The following PCNT variants were observed in gnomAD, a reference collection of about 807,000 sequenced individuals.
PCNT encodes the protein kendrin.
Under a neutral mutation model 380.4 loss-of-function variants are expected in PCNT, and 319 were observed. The ratio of observed to expected loss-of-function variants is 0.84; its 90% CI spans 0.77 to 0.92. The LOEUF is 0.92. PCNT is among the 40% of genes least tolerant of loss of function. The pLI, the probability that PCNT is intolerant of heterozygous loss-of-function variation, is 0.00. For missense variants in PCNT, 4,400 were observed against 4,255.3 expected, an observed-to-expected ratio of 1.03 and a Z score of -0.95; for synonymous variants, 1,845 against 1,735.2, an observed-to-expected ratio of 1.06 and a Z score of -1.57.
At chr21:46,357,526 C>T (rs776271483) in intron 13 of PCNT, among the ~76,000 whole-genome samples, 5 of 152,200 alleles carry the variant, frequency 3.3e-5, no homozygotes, top group African/African-American at 1.2e-4. Flanking sequence ...ACTGCAACCT[C>T]TGCTTCCTGA....
At position 46,442,502 on chromosome 21, in the gene PCNT, G is replaced by C. The variant is rs779541254; in HGVS notation, c.9629G>C (p.Arg3210Pro). The change falls in exon 44 of 47, where the codon CGT (arginine) becomes CCT (proline). Residue 3210 changes from arginine to proline, a missense_variant. Coordinates refer to ENST00000359568, the MANE Select transcript of PCNT (RefSeq NM_006031.6). ...VRVVIAILRL[R>P]FLVKKWQEVD... ...CTTGTCTCTTTTTTTTGTAGATTACGTTTTTTGGTTAAGAAATGGCAAGAA... is the reference window on the plus strand; with the variant it reads ...CTTGTCTCTTTTTTTTGTAGATTACCTTTTTTGGTTAAGAAATGGCAAGAA... 2 of 1,604,406 alleles carry C rather than the reference G, an allele frequency of 1.2e-6. No homozygotes were observed. The highest frequency in any genetic ancestry group is 2.2e-5 in the South Asian group (2 of 90,832).
Position 46,366,960 on chromosome 21 carries a change from G to C in PCNT, c.2986G>C (p.Asp996His), listed in dbSNP as rs1238644889. The C allele has an allele frequency of 2.5e-6, 4 of 1,614,116 alleles. No individual in the cohort carries two copies. The highest frequency in any genetic ancestry group is 3.4e-6 in the Non-Finnish European group (4 of 1,180,060). The change falls in exon 15 of 47, where the codon GAC (aspartate) becomes CAC (histidine). Residue 996 changes from aspartate (D) to histidine (H), a missense_variant. Coordinates refer to ENST00000359568, the MANE Select transcript of PCNT (RefSeq NM_006031.6). ...GCAGGCCCTAGAGCTCTTACGAGCAGACTTTGAGGAACAACTGTGGAAAAA... is the reference window on the plus strand; with the variant it reads ...GCAGGCCCTAGAGCTCTTACGAGCACACTTTGAGGAACAACTGTGGAAAAA... Reference protein sequence around the residue: ...HRQALELLRADFEEQLWKKDS... With the variant: ...HRQALELLRAHFEEQLWKKDS...
intron 44 of PCNT, 159 bp downstream of exon 44, chr21:46,442,732 C>A: frequency 2.9e-6 from 2 of 678,874 alleles, no homozygotes; most frequent in Non-Finnish European, 5.4e-6. Context: ...AGAGGGAAGG[C>A]GCGCCCGGCG....
At chr21:46,370,720 A>ATC in intron 15 of PCNT, among the ~76,000 whole-genome samples, 1 of 152,298 alleles carries the variant, frequency 6.6e-6, no homozygotes, top group East Asian at 1.9e-4. Context: ...AGCCTGGGGA[A>ATC]CATAGCAAGA....
In PCNT at chr21:46,422,075, C is replaced by T. The variant is rs61735814; in HGVS notation, c.7130C>T (p.Pro2377Leu). Reference protein sequence around the residue: ...TPASISGRFQPLPEAMKEKEV... With the variant: ...TPASISGRFQLLPEAMKEKEV... ...GCTTCCATCTCTGGAAGGTTTCAGC[C>T]GCTGCCGGAAGCCATGAAGGAGAAG... is the stretch of plus-strand genomic sequence containing the variant. The change falls in exon 32 of 47, where the codon CCG becomes CTG. Residue 2377 changes from proline to leucine, a missense_variant. Transcript: ENST00000359568. 84,904 of 1,613,866 alleles carry T rather than the reference C, an allele frequency of 0.053. 2,622 individuals are homozygous for T. Among genetic ancestry groups the T allele is most frequent in the Non-Finnish European group, 0.061 (71,646 of 1,179,956 alleles).
intron 27 of PCNT, among the ~76,000 whole-genome samples, chr21:46,409,766 G>C (rs796144736): frequency 1.1e-4 from 16 of 152,048 alleles, no homozygotes; most frequent in African/African-American, 3.9e-4. Flanking sequence ...GCTAATTTTT[G>C]TATTTTTACT....
chr21:46,351,459 C>CT lies in PCNT; in HGVS notation c.1376dup (p.Lys460GlufsTer16). ...GAATCTTCAAGCATCATATGAAGAC[C>CT]TGAAGGCACAATCACAAGAAGAGAT... On this transcript the variant is annotated frameshift_variant, in exon 9 of 47. Transcript: ENST00000359568. LOFTEE classifies it high-confidence loss of function. 6.2e-7 allele frequency: 1 copy of CT among 1,612,208 alleles called. No individual in the cohort carries two copies. The highest frequency in any genetic ancestry group is 8.5e-7 in the Non-Finnish European group (1 of 1,178,266).
In PCNT at chr21:46,412,936, T is replaced by A. The variant is rs1365255820; in HGVS notation, c.6094T>A (p.Ser2032Thr). ...CACCGTCTGCCAGAGGCAGCTGCAG[T>A]CGGAGCTGCTCTTGGTGAAAAATGA... Reference protein sequence around the residue: ...VLTVCQRQLQSELLLVKNEMR... With the variant: ...VLTVCQRQLQTELLLVKNEMR... Residue 2032 changes from serine to threonine, a missense_variant, in exon 29 of 47, where the codon TCG becomes ACG. Ser to Thr is a moderately conservative substitution (Grantham distance 58, BLOSUM62 1). Transcript: ENST00000359568. 1.9e-6 allele frequency: 3 copies of A among 1,612,106 alleles called. No individual in the cohort carries two copies. The highest frequency in any genetic ancestry group is 4.5e-5 in the East Asian group (2 of 44,882).
chr21:46,383,570 C>T (rs2085680254), intron 16 of PCNT, among the ~76,000 whole-genome samples: 1 of 143,346 alleles, frequency 7.0e-6, no homozygotes, highest in African/African-American at 2.6e-5. Flanking sequence ...GATGGAAGTG[C>T]ATTCACAGTG....
chr21:46,444,827 G>C lies in PCNT; in HGVS notation c.9967+6G>C. 3 of 1,612,662 alleles carry C rather than the reference G, an allele frequency of 1.9e-6. No homozygotes were observed. Among genetic ancestry groups the C allele is most frequent in the South Asian group, 1.1e-5 (1 of 91,042 alleles). On this transcript the variant is annotated splice_donor_region_variant and intron_variant, in intron 46 of 46. Transcript: ENST00000359568. Reference sequence around the variant, plus strand: ...ATTGGGAGGGGTACTACCAGGTAATGCAAGTCCTCGCCGAGTATTTATTAA... The same window carrying C: ...ATTGGGAGGGGTACTACCAGGTAATCCAAGTCCTCGCCGAGTATTTATTAA...
rs1336466622 is a variant in PCNT, at chr21:46,436,091, A to G, written c.8939A>G (p.Gln2980Arg). Reference protein sequence around the residue: ...EQQRELEAMRQRLLSAARLLT... With the variant: ...EQQRELEAMRRRLLSAARLLT... ...CAGCGAGAGCTGGAGGCGATGAGGC[A>G]GCGGCTGCTCTCTGCCGCCCGGCTT... Residue 2980 changes from glutamine to arginine, a missense_variant, in exon 39 of 47, where the codon CAG becomes CGG. Transcript: ENST00000359568. 3 of 1,612,068 alleles carry G rather than the reference A, an allele frequency of 1.9e-6. No homozygotes were observed. In the Admixed American group the frequency reaches 5.0e-5, roughly 27 times the overall value.
intron 3 of PCNT, among the ~76,000 whole-genome samples, chr21:46,344,511 C>T (rs542927094): frequency 3.3e-5 from 5 of 152,370 alleles, no homozygotes; most frequent in African/African-American, 1.2e-4. Context: ...GCCTTTCTAG[C>T]TTTTGCAACT....
chr21:46,330,656 TATTTC>T (rs1730724066), intron 2 of PCNT, among the ~76,000 whole-genome samples: 1 of 152,248 alleles, frequency 6.6e-6, no homozygotes, highest in Non-Finnish European at 1.5e-5. Context: ...TATTATAAAA[TATTTC>T]ATGATATTTG....
rs576796827 is a variant in PCNT, at chr21:46,425,897, C to A, written c.7246C>A (p.Pro2416Thr). Reference protein sequence around the residue: ...ILALSEGLAPPSGEPHPPRKE... With the variant: ...ILALSEGLAPTSGEPHPPRKE... ...GGCGCTGTCAGAAGGCCTTGCACCC[C>A]CAAGCGGCGAGCCACACCCACCCCG... Residue 2416 changes from proline to threonine, a missense_variant, in exon 33 of 47, where the codon CCA becomes ACA. Transcript: ENST00000359568. This position sits in a 1 kb window ranked among gnomAD's most constrained non-coding sequence, Gnocchi z 4.2. The A allele has an allele frequency of 3.2e-5, 51 of 1,613,752 alleles. No individual in the cohort carries two copies. The South Asian group carries it at 3.6e-4, about 11-fold the overall frequency.
intron 15 of PCNT, among the ~76,000 whole-genome samples, chr21:46,370,555 G>C (rs1475412220): frequency 6.6e-6 from 1 of 152,108 alleles, no homozygotes; most frequent in Non-Finnish European, 1.5e-5. Flanking sequence ...TCCCAGGTTG[G>C]ACTGGTGCAG....
intron 19 of PCNT, 138 bp downstream of exon 19, chr21:46,389,569 T>C: frequency 1.5e-6 from 1 of 663,230 alleles, no homozygotes; most frequent in Non-Finnish European, 2.6e-6. Flanking sequence ...CTGAACCAGA[T>C]CTTTGAGGAA....
At chr21:46,373,431 C>CTT (rs35866515) in intron 15 of PCNT, among the ~76,000 whole-genome samples, 40 of 116,654 alleles carry the variant, frequency 3.4e-4, no homozygotes, top group South Asian at 5.8e-4. Context: ...TGTCAATACT[C>CTT]TTTTTTTTTT....
At chr21:46,360,296 C>T (rs2084661057) in intron 13 of PCNT, among the ~76,000 whole-genome samples, 1 of 146,046 alleles carries the variant, frequency 6.8e-6, no homozygotes, top group African/African-American at 2.6e-5. Context: ...GATCTCGGCT[C>T]ACTGCAACCT....
Position 46,397,432 on chromosome 21 carries a change from G to T in PCNT, c.4384G>T (p.Ala1462Ser). 2 of 1,614,194 alleles carry T rather than the reference G, an allele frequency of 1.2e-6. No individual in the cohort carries two copies. Among genetic ancestry groups the T allele is most frequent in the Non-Finnish European group, 1.7e-6 (2 of 1,180,030 alleles). Residue 1462 changes from alanine to serine, a missense_variant, in exon 22 of 47, where the codon GCC becomes TCC. Transcript: ENST00000359568. Reference sequence around the variant, plus strand: ...TGCCAAGCAGGCGGAGGCCGTCACTGCCCTGGAACAGCAGGTGGCATCTCT... The same window carrying T: ...TGCCAAGCAGGCGGAGGCCGTCACTTCCCTGGAACAGCAGGTGGCATCTCT... ...GCAKQAEAVT[A>S]LEQQVASLDK...
Sources: gnomAD v4.1 joint callset for allele counts (sites outside exome capture counted in the v4.1 genomes callset) on GRCh38, gnomAD v4.1.1 for gene constraint, Gnocchi (gnomAD v3.1) non-coding constraint, MANE v1.5 for transcripts, NCBI Gene and HGNC (gene_info 2026-07-23, HGNC 2026-07-21) for gene names.